Variants in PTPRT observed in about 807,000 individuals in gnomAD.
PTPRT encodes protein tyrosine phosphatase receptor type T, also known as receptor-type tyrosine-protein phosphatase T.
In PTPRT, 56 loss-of-function variants were observed where a neutral mutation model predicts 176.8. The ratio of observed to expected loss-of-function variants is 0.32; its 90% CI spans 0.26 to 0.40. The LOEUF is 0.40. Among genes scored for constraint, PTPRT ranks in the 10% least tolerant of loss-of-function variants. PTPRT has a pLI of 1.00. For missense variants in PTPRT, 1,540 were observed against 1,908.2 expected, an observed-to-expected ratio of 0.81 and a Z score of 3.60; for synonymous variants, 783 against 739.0, an observed-to-expected ratio of 1.06 and a Z score of -0.96.
At chr20:43,107,897 G>T (rs1351257642) in intron 1 of PTPRT, among the ~76,000 whole-genome samples, 1 of 152,236 alleles carries the variant, frequency 6.6e-6, no homozygotes, top group Non-Finnish European at 1.5e-5. Context: ...GATCATTAGT[G>T]AATTAATGTT....
intron 6 of PTPRT, among the ~76,000 whole-genome samples, chr20:42,701,271 G>T (rs2075970111): frequency 6.6e-6 from 1 of 152,206 alleles, no homozygotes; most frequent in African/African-American, 2.4e-5. Context: ...TCCTGGAACT[G>T]CAAGGTAAGT....
At position 42,750,746 on chromosome 20, in the gene PTPRT, T is replaced by C. The variant is rs550303300; in HGVS notation, c.859+5716A>G. Among the ~76,000 whole-genome samples the C allele has an allele frequency of 2.0e-5, 3 of 152,290 alleles. No individual in the cohort carries two copies. The South Asian group carries it at 6.2e-4, about 32-fold the overall frequency. On this transcript the variant is annotated intron_variant, in intron 6 of 30. Transcript: ENST00000373187. ...TAGAAAATTTTCATCAAGATACATC[T>C]GCATAACTTTGGTTGCAGACACTCA... is the stretch of plus-strand genomic sequence containing the variant.
intron 2 of PTPRT, among the ~76,000 whole-genome samples, chr20:42,882,007 C>T (rs2079019736): frequency 6.6e-6 from 1 of 152,024 alleles, no homozygotes; most frequent in Non-Finnish European, 1.5e-5. Context: ...CAGGGGAGGC[C>T]ATCAGCAGGA....
intron 12 of PTPRT, among the ~76,000 whole-genome samples, chr20:42,307,543 T>C (rs189510549): frequency 7.2e-5 from 11 of 152,302 alleles, no homozygotes; most frequent in African/African-American, 2.6e-4. Flanking sequence ...AGAGCTTATA[T>C]CTACAGCTTC....
At chr20:42,833,471 C>G (rs530980944) in intron 2 of PTPRT, among the ~76,000 whole-genome samples, 2 of 151,580 alleles carry the variant, frequency 1.3e-5, no homozygotes, top group African/African-American at 2.4e-5. Context: ...CTCAGCTACT[C>G]AGAAGGCTGA....
chr20:42,201,827 G>A (rs1333685024), intron 15 of PTPRT, among the ~76,000 whole-genome samples: 1 of 151,062 alleles, frequency 6.6e-6, no homozygotes, highest in African/African-American at 2.4e-5. Context: ...CAACAAGTCA[G>A]AAGTGGCAAG....
intron 1 of PTPRT, among the ~76,000 whole-genome samples, chr20:43,060,828 T>C (rs1436056748): frequency 1.3e-5 from 2 of 152,050 alleles, no homozygotes; most frequent in African/African-American, 4.8e-5. Context: ...ATTAGACTTG[T>C]TTGGGAGGAG....
chr20:42,072,109 G>A (rs1376236445), downstream of PTPRT, among the ~76,000 whole-genome samples: 1 of 152,176 alleles, frequency 6.6e-6, no homozygotes, highest in Non-Finnish European at 1.5e-5. Context: ...ATATATATGT[G>A]ATTGGACTTT....
At chr20:42,374,880 A>G (rs1243579004) in intron 9 of PTPRT, among the ~76,000 whole-genome samples, 2 of 152,238 alleles carry the variant, frequency 1.3e-5, no homozygotes, top group East Asian at 3.8e-4. Flanking sequence ...AACAACTAGA[A>G]TCTGACACAG....
At chr20:42,190,039 T>C (rs1371031665) in intron 16 of PTPRT, among the ~76,000 whole-genome samples, 1 of 152,156 alleles carries the variant, frequency 6.6e-6, no homozygotes, top group African/African-American at 2.4e-5. Flanking sequence ...AATAAGTGTG[T>C]CCTTTAATCT....
chr20:42,994,605 A>G (rs762257912), intron 1 of PTPRT, among the ~76,000 whole-genome samples: 2 of 152,204 alleles, frequency 1.3e-5, no homozygotes, highest in Non-Finnish European at 2.9e-5. Context: ...GAAATGTTAG[A>G]GCTTATTGGT....
chr20:42,227,048 T>G (rs945918257), intron 15 of PTPRT, among the ~76,000 whole-genome samples: 2 of 152,056 alleles, frequency 1.3e-5, no homozygotes, highest in Non-Finnish European at 2.9e-5. Flanking sequence ...AACCCACTTG[T>G]CTCCAGAAAA....
chr20:42,481,298 T>C (rs2071380716), intron 7 of PTPRT, among the ~76,000 whole-genome samples: 2 of 152,178 alleles, frequency 1.3e-5, no homozygotes, highest in African/African-American at 2.4e-5. Context: ...CCTAATCTCA[T>C]GGCTAACACA....
chr20:42,085,216 G>A (rs981859236), intron 28 of PTPRT, among the ~76,000 whole-genome samples: 2 of 152,124 alleles, frequency 1.3e-5, no homozygotes, highest in African/African-American at 4.8e-5. Flanking sequence ...AGGGGGGTAG[G>A]GGAGGTGCTG....
intron 17 of PTPRT, among the ~76,000 whole-genome samples, chr20:42,147,240 G>A (rs1988907874): frequency 6.6e-6 from 1 of 152,180 alleles, no homozygotes; most frequent in Admixed American, 6.5e-5. Flanking sequence ...TAGTGAATGA[G>A]GTGGCTTCTG....
chr20:43,187,987 G>A (rs893530251), intron 1 of PTPRT, among the ~76,000 whole-genome samples: 1 of 152,204 alleles, frequency 6.6e-6, no homozygotes, highest in Non-Finnish European at 1.5e-5. Flanking sequence ...GAGCCGGTAC[G>A]GGTTTTACCG....
intron 7 of PTPRT, among the ~76,000 whole-genome samples, chr20:42,541,874 T>G (rs1477041926): frequency 6.6e-6 from 1 of 151,442 alleles, no homozygotes; most frequent in Non-Finnish European, 1.5e-5. Flanking sequence ...GTGGCTAAAA[T>G]TACTGTAAAA....
chr20:42,124,053 G>A lies in PTPRT; in HGVS notation c.2848-4082C>T, dbSNP rs548128713. ...ACGCATGCTGTGTGCCTGTTCCCAC[G>A]CTGCATCTGAGTAAAGAGACCCTCC... On this transcript the variant is annotated intron_variant, in intron 19 of 30. Coordinates refer to ENST00000373187, the MANE Select transcript of PTPRT (RefSeq NM_007050.6). Among the ~76,000 whole-genome samples the A allele has an allele frequency of 9.2e-5, 14 of 152,238 alleles. No individual in the cohort carries two copies. The East Asian group carries it at 2.1e-3, about 23-fold the overall frequency.
Position 43,096,856 on chromosome 20 carries a change from C to T in PTPRT, c.88+92790G>A, listed in dbSNP as rs770074959. Among the ~76,000 whole-genome samples, 3 of 152,114 alleles carry T rather than the reference C, an allele frequency of 2.0e-5. No homozygotes were observed. In the South Asian group the frequency reaches 6.2e-4, roughly 32 times the overall value. The stretch of plus-strand genomic sequence containing the variant: ...CTGCCAGCTGAGGAGGTTGGAGGCC[C>T]CAGGCTCCCCTTCCAGACAGCATAA... On this transcript the variant is annotated intron_variant, in intron 1 of 30. Coordinates refer to ENST00000373187, the MANE Select transcript of PTPRT (RefSeq NM_007050.6).
Sources: gnomAD v4.1 joint callset for allele counts (sites outside exome capture counted in the v4.1 genomes callset) on GRCh38, gnomAD v4.1.1 for gene constraint, MANE v1.5 for transcripts, NCBI Gene and HGNC (gene_info 2026-07-23, HGNC 2026-07-21) for gene names.